The following PSMA1 variants were observed in gnomAD, a reference collection of about 807,000 sequenced individuals.
The protein encoded by PSMA1 is proteasome 20S subunit alpha 1.
A neutral mutation model predicts 38.4 loss-of-function variants in PSMA1; 3 were observed. That is an observed-to-expected ratio of 0.08 (90% CI 0.04 to 0.20). The LOEUF (loss-of-function observed/expected upper bound fraction) is 0.20. Ranked by LOEUF, PSMA1 falls within the 10% of genes least tolerant of loss-of-function variation. The pLI, the probability that PSMA1 is intolerant of heterozygous loss-of-function variation, is 1.00. For missense variants in PSMA1, 227 were observed against 325.3 expected, an observed-to-expected ratio of 0.70 and a Z score of 2.32; for synonymous variants, 101 against 107.1, an observed-to-expected ratio of 0.94 and a Z score of 0.35.
intron 2 of PSMA1, among the ~76,000 whole-genome samples, chr11:14,592,818 C>T (rs1852439997): frequency 6.6e-6 from 1 of 152,192 alleles, no homozygotes; most frequent in Non-Finnish European, 1.5e-5. Context: ...ATTCCAGTCT[C>T]CTCATATCTC....
intron 2 of PSMA1, among the ~76,000 whole-genome samples, chr11:14,569,480 C>A (rs192936271): frequency 6.6e-6 from 1 of 152,144 alleles, no homozygotes; most frequent in Admixed American, 6.5e-5. Context: ...CCATGACAGA[C>A]GGTACCTGGA....
chr11:14,593,636 GA>G (rs1852448960), intron 2 of PSMA1, among the ~76,000 whole-genome samples: 1 of 151,076 alleles, frequency 6.6e-6, no homozygotes, highest in South Asian at 2.1e-4. Context: ...GAGAGAGAGA[GA>G]GAGAGAGAGA....
chr11:14,520,069 C>T, intron 1 of PSMA1: 2 of 641,114 alleles, frequency 3.1e-6, no homozygotes, highest in Non-Finnish European at 5.4e-6. Context: ...GAGGAAGTGT[C>T]GGAGGCTCCC....
exon 2 of PSMA1, chr11:14,610,976 C>T: frequency 6.2e-7 from 1 of 1,613,216 alleles, no homozygotes; most frequent in Non-Finnish European, 8.5e-7. Context: ...CTTCACCTTG[C>T]TGAGCTGCAT....
chr11:14,581,677 G>A (rs978734090), intron 2 of PSMA1, among the ~76,000 whole-genome samples: 5 of 152,092 alleles, frequency 3.3e-5, no homozygotes, highest in Non-Finnish European at 7.4e-5. Context: ...ACTCAAAATA[G>A]CTTAAGAAAA....
chr11:14,539,101 T>C (rs1378207314), intron 2 of PSMA1, among the ~76,000 whole-genome samples: 1 of 152,206 alleles, frequency 6.6e-6, no homozygotes. Flanking sequence ...TCTGTGGGAA[T>C]TTCAACAGAA....
At chr11:14,590,218 T>G (rs181011634) in intron 2 of PSMA1, among the ~76,000 whole-genome samples, 1 of 152,282 alleles carries the variant, frequency 6.6e-6, no homozygotes, top group East Asian at 1.9e-4. Context: ...ATTTAATGGG[T>G]AGAGTTTCAG....
At chr11:14,553,451 T>A (rs1253836413) in intron 2 of PSMA1, among the ~76,000 whole-genome samples, 4 of 152,168 alleles carry the variant, frequency 2.6e-5, no homozygotes, top group Non-Finnish European at 4.4e-5. Context: ...ATATCCCAAA[T>A]GCTACCTCTC....
chr11:14,597,703 C>G (rs1852517379), intron 2 of PSMA1, among the ~76,000 whole-genome samples: 1 of 152,164 alleles, frequency 6.6e-6, no homozygotes, highest in Non-Finnish European at 1.5e-5. Context: ...AAACCAGCCC[C>G]TAGATTCATT....
At chr11:14,535,592 C>A (rs1025835492) in intron 2 of PSMA1, among the ~76,000 whole-genome samples, 1 of 151,710 alleles carries the variant, frequency 6.6e-6, no homozygotes, top group South Asian at 2.1e-4. Context: ...TACAAGCATG[C>A]GCCACCACAC....
At chr11:14,559,464 G>A (rs1249606523) in intron 2 of PSMA1, among the ~76,000 whole-genome samples, 10 of 152,332 alleles carry the variant, frequency 6.6e-5, no homozygotes, top group African/African-American at 1.9e-4. Context: ...CACAATGGGT[G>A]CGGGCAGATA....
upstream of PSMA1, among the ~76,000 whole-genome samples, chr11:14,522,814 A>G (rs1251303832): frequency 6.6e-6 from 1 of 152,256 alleles, no homozygotes; most frequent in Non-Finnish European, 1.5e-5. Flanking sequence ...AAATAAAAGA[A>G]ACCCACTGAA....
At chr11:14,610,370 T>G (rs1852695265) in intron 2 of PSMA1, among the ~76,000 whole-genome samples, 1 of 152,014 alleles carries the variant, frequency 6.6e-6, no homozygotes, top group African/African-American at 2.4e-5. Context: ...AGATGTCTTA[T>G]GAACAGGTAT....
At chr11:14,572,397 CCTGCTCCT>C (rs2095718128) in intron 2 of PSMA1, among the ~76,000 whole-genome samples, 1 of 152,188 alleles carries the variant, frequency 6.6e-6, no homozygotes, top group Non-Finnish European at 1.5e-5. Context: ...AACTGAACAA[CCTGCTCCT>C]GAACGACTAC....
At chr11:14,626,549 T>C (rs1026818608) in intron 1 of PSMA1, among the ~76,000 whole-genome samples, 2 of 152,148 alleles carry the variant, frequency 1.3e-5, no homozygotes, top group African/African-American at 4.8e-5. Flanking sequence ...ATGCACATCA[T>C]GAAGTGTGTG....
In PSMA1 at chr11:14,621,935, G is replaced by T. The variant is rs542895153; in HGVS notation, c.-165-10784C>A. ...CACTATTGTAAACACTTTCCATTTA[G>T]TAACTCATTTAATCCTCATAACCCT... On this transcript the variant is annotated intron_variant, in intron 1 of 10. Transcript: ENST00000418988. Among the ~76,000 whole-genome samples the T allele has an allele frequency of 2.6e-5, 4 of 152,262 alleles. No homozygotes were observed. The South Asian group carries it at 8.3e-4, about 32-fold the overall frequency.
At chr11:14,595,806 A>T (rs767105837) in intron 2 of PSMA1, among the ~76,000 whole-genome samples, 2 of 152,192 alleles carry the variant, frequency 1.3e-5, no homozygotes, top group Non-Finnish European at 2.9e-5. Context: ...TTTAGTCATG[A>T]AGTCCTTGCC....
chr11:14,642,094 CACACATACACGCACATGCACA>C (rs1853212914), intron 1 of PSMA1, among the ~76,000 whole-genome samples: 1 of 151,258 alleles, frequency 6.6e-6, no homozygotes, highest in African/African-American at 2.5e-5. Flanking sequence ...TAAATGCCCA[CACACATACACGCACATGCACA>C]CACACACACC....
chr11:14,642,655 T>C (rs931458170), intron 1 of PSMA1, among the ~76,000 whole-genome samples: 2 of 152,184 alleles, frequency 1.3e-5, no homozygotes, highest in South Asian at 4.1e-4. Context: ...CTTTGAGAAA[T>C]GCAGTCCGGT....
Sources: allele counts gnomAD v4.1 joint callset (sites outside exome capture counted in the v4.1 genomes callset), GRCh38; gene constraint gnomAD v4.1.1; transcripts MANE v1.5; gene names NCBI Gene and HGNC (gene_info 2026-07-23, HGNC 2026-07-21).